The following RBFOX1 variants were observed in gnomAD, a reference collection of about 807,000 sequenced individuals.
RBFOX1 encodes RNA binding protein fox-1 homolog 1.
A neutral mutation model predicts 57.7 loss-of-function variants in RBFOX1; 8 were observed. That is an observed-to-expected ratio of 0.14 (90% CI 0.08 to 0.25). RBFOX1 has a LOEUF of 0.25. Among genes scored for constraint, RBFOX1 ranks in the 10% least tolerant of loss-of-function variants. The pLI, the probability that RBFOX1 is intolerant of heterozygous loss-of-function variation, is 1.00. For synonymous variants in RBFOX1, 326 were observed against 222.4 expected (o/e 1.47, Z -4.15); for missense variants, 611 against 548.5 (o/e 1.11, Z -1.14).
chr16:6,177,752 C>A (rs749142013), intron 1 of RBFOX1, among the ~76,000 whole-genome samples: 5 of 152,048 alleles, frequency 3.3e-5, no homozygotes, highest in Non-Finnish European at 5.9e-5. Context: ...CGAATGAGTA[C>A]ACCCAAGCAC....
At chr16:6,838,511 T>C (rs2141335462) in intron 3 of RBFOX1, among the ~76,000 whole-genome samples, 1 of 152,280 alleles carries the variant, frequency 6.6e-6, no homozygotes, top group African/African-American at 2.4e-5. Flanking sequence ...TAAAAGTGGG[T>C]ATAAATGCAA....
At chr16:5,713,886 A>G (rs1009641053) in intron 3 of RBFOX1, among the ~76,000 whole-genome samples, 2 of 152,202 alleles carry the variant, frequency 1.3e-5, no homozygotes, top group African/African-American at 4.8e-5. Context: ...AGTGAGGAGG[A>G]AGCCCAGATC....
intron 3 of RBFOX1, among the ~76,000 whole-genome samples, chr16:5,740,772 G>T (rs940595321): frequency 1.3e-5 from 2 of 152,168 alleles, no homozygotes; most frequent in Non-Finnish European, 2.9e-5. Flanking sequence ...TCAAGGTGAA[G>T]TCCAGCAGAA....
At chr16:7,669,223 T>A (rs1160280891) in intron 13 of RBFOX1, among the ~76,000 whole-genome samples, 1 of 152,220 alleles carries the variant, frequency 6.6e-6, no homozygotes, top group Non-Finnish European at 1.5e-5. Context: ...ATAGGTTTTA[T>A]GAGGCTAGAA....
At chr16:5,940,668 G>A (rs2059260753) in intron 4 of RBFOX1, among the ~76,000 whole-genome samples, 1 of 152,220 alleles carries the variant, frequency 6.6e-6, no homozygotes, top group African/African-American at 2.4e-5. Context: ...GAGCACCCGT[G>A]GTAAATCACC....
At chr16:5,599,460 C>G (rs2047294790) in exon 3 of RBFOX1, 4 of 530,548 alleles carry the variant, frequency 7.5e-6, no homozygotes, top group Admixed American at 3.5e-5. Context: ...TATCCCTCAT[C>G]TGTCACCCAC....
At chr16:7,464,045 C>CT (rs2060045231) in intron 4 of RBFOX1, among the ~76,000 whole-genome samples, 1 of 152,222 alleles carries the variant, frequency 6.6e-6, no homozygotes, top group African/African-American at 2.4e-5. Context: ...GGCTGCTAAT[C>CT]TTTTTGCATA....
chr16:6,833,804 A>G (rs2092888956), intron 3 of RBFOX1, among the ~76,000 whole-genome samples: 1 of 152,152 alleles, frequency 6.6e-6, no homozygotes. Flanking sequence ...ATTGAGGTTG[A>G]TGGGTAGGTA....
At chr16:6,231,799 A>G (rs184617969) in intron 1 of RBFOX1, among the ~76,000 whole-genome samples, 1 of 139,588 alleles carries the variant, frequency 7.2e-6, no homozygotes, top group East Asian at 2.0e-4. Context: ...TATGGCTTTT[A>G]TGACTAATTG....
chr16:7,249,382 A>G (rs2094429221), intron 4 of RBFOX1, among the ~76,000 whole-genome samples: 1 of 152,164 alleles, frequency 6.6e-6, no homozygotes, highest in Admixed American at 6.5e-5. Context: ...GAGAATTTGC[A>G]GGAACCTGGG....
At chr16:5,844,374 A>G (rs2056698284) in intron 3 of RBFOX1, among the ~76,000 whole-genome samples, 1 of 152,228 alleles carries the variant, frequency 6.6e-6, no homozygotes, top group Non-Finnish European at 1.5e-5. Context: ...CCCTGGAATA[A>G]AGTCTCCCAT....
intron 3 of RBFOX1, among the ~76,000 whole-genome samples, chr16:5,735,706 G>A (rs1211400306): frequency 6.6e-6 from 1 of 152,106 alleles, no homozygotes; most frequent in Admixed American, 6.5e-5. Flanking sequence ...AGACCACCCT[G>A]GTCAACATGG....
rs72765161 is a variant in RBFOX1 at position 5,714,821 on chromosome 16, C to T, written c.318+115860C>T. Among the ~76,000 whole-genome samples, 1,249 of 152,312 alleles carry T rather than the reference C, an allele frequency of 8.2e-3. 6 individuals are homozygous for T. The highest frequency in any genetic ancestry group is 0.012 in the Non-Finnish European group (839 of 68,026). On this transcript the variant is annotated intron_variant, in intron 3 of 19. Coordinates refer to the RBFOX1 transcript ENST00000641259. ...AGAAACTATTATCGTCACTGCGTCACAGATGTGGGAACGGGGACTTAGAGG... is the reference window on the plus strand; with the variant it reads ...AGAAACTATTATCGTCACTGCGTCATAGATGTGGGAACGGGGACTTAGAGG...
chr16:5,574,319 G>A (rs1168746121), intron 2 of RBFOX1, among the ~76,000 whole-genome samples: 1 of 152,162 alleles, frequency 6.6e-6, no homozygotes, highest in East Asian at 1.9e-4. Flanking sequence ...TCTGTCTGTA[G>A]CCTCCTAACT....
chr16:6,890,343 A>AC (rs2065110537), intron 3 of RBFOX1, among the ~76,000 whole-genome samples: 1 of 152,114 alleles, frequency 6.6e-6, no homozygotes. Context: ...ACAAGGTGAA[A>AC]CCCCGTCTCT....
At chr16:7,055,250 C>T (rs1250509170) in intron 4 of RBFOX1, among the ~76,000 whole-genome samples, 1 of 152,116 alleles carries the variant, frequency 6.6e-6, no homozygotes, top group Non-Finnish European at 1.5e-5. Flanking sequence ...GACTACGCAA[C>T]ACTTTTGTTT....
Position 6,309,190 on chromosome 16 carries a change from C to A in RBFOX1, c.-126-7805C>A, listed in dbSNP as rs2079928882. ...ACCTTGAAATTTCCCTGGAGTTCAG[C>A]TTCCCTTTTCATACTGGGTCTAGCT... On this transcript the variant is annotated intron_variant, in intron 1 of 15. Transcript: ENST00000550418. Among the ~76,000 whole-genome samples the A allele has an allele frequency of 5.3e-5, 8 of 152,098 alleles. No individual in the cohort carries two copies. In the South Asian group the frequency reaches 1.4e-3, roughly 28 times the overall value.
At chr16:7,166,720 C>T (rs141222785) in intron 4 of RBFOX1, among the ~76,000 whole-genome samples, 52 of 152,178 alleles carry the variant, frequency 3.4e-4, no homozygotes, top group Admixed American at 1.1e-3. Flanking sequence ...TGACTCTAAC[C>T]GGCATGTCAA....
intron 3 of RBFOX1, among the ~76,000 whole-genome samples, chr16:5,775,440 G>C (rs2054115733): frequency 6.6e-6 from 1 of 152,218 alleles, no homozygotes; most frequent in Non-Finnish European, 1.5e-5. Flanking sequence ...GGACTGCTCA[G>C]AAGGCAGGGG....
Sources: gnomAD v4.1 joint callset for allele counts (sites outside exome capture counted in the v4.1 genomes callset) on GRCh38, gnomAD v4.1.1 for gene constraint, MANE v1.5 for transcripts, NCBI Gene and HGNC (gene_info 2026-07-23, HGNC 2026-07-21) for gene names.